ASIC2: variants seen among roughly 807,000 people sequenced by gnomAD.
ASIC2 encodes the protein acid sensing ion channel subunit 2, also known as acid-sensing ion channel 2.
Under a neutral mutation model 57.3 loss-of-function variants are expected in ASIC2, and 25 were observed. The observed-to-expected ratio is 0.44, with a 90% CI of 0.32 to 0.61. The LOEUF is 0.61. ASIC2 is among the 20% of genes least tolerant of loss of function. The probability of loss-of-function intolerance (pLI) is 0.06; values close to 1 mark genes in which losing one functional copy is unlikely to be tolerated. For missense variants in ASIC2, 641 were observed against 738.1 expected (o/e 0.87, Z 1.52); for synonymous variants, 319 against 307.5 (o/e 1.04, Z -0.39).
intron 1 of ASIC2, among the ~76,000 whole-genome samples, chr17:33,161,167 G>T (rs1905149738): frequency 6.6e-6 from 1 of 152,226 alleles, no homozygotes; most frequent in African/African-American, 2.4e-5. Flanking sequence ...TGCTGAGAAA[G>T]GGTGGGGGAG....
At chr17:33,914,180 G>C (rs7222996) in intron 1 of ASIC2, among the ~76,000 whole-genome samples, 10,400 of 152,246 alleles carry the variant, frequency 0.068, 651 homozygotes, top group East Asian at 0.28. Flanking sequence ...ATGCTGGAGA[G>C]GCCATATAGG....
intron 1 of ASIC2, among the ~76,000 whole-genome samples, chr17:33,300,063 CAT>C (rs1269711093): frequency 6.6e-6 from 1 of 152,160 alleles, no homozygotes; most frequent in Non-Finnish European, 1.5e-5. Context: ...AACATATTCA[CAT>C]GTTTCAAAAA....
At chr17:33,724,440 G>A (rs1252633407) in intron 1 of ASIC2, among the ~76,000 whole-genome samples, 3 of 152,210 alleles carry the variant, frequency 2.0e-5, no homozygotes, top group Non-Finnish European at 4.4e-5. Flanking sequence ...TGCGTGAAGA[G>A]TAGACATTGG....
chr17:34,002,192 C>T (rs1390810159), intron 1 of ASIC2: 1 of 152,232 alleles, frequency 6.6e-6, no homozygotes, highest in Non-Finnish European at 1.5e-5. Flanking sequence ...CTCTACAAAC[C>T]ACATTTCTGC....
intron 1 of ASIC2, among the ~76,000 whole-genome samples, chr17:33,760,976 C>T (rs1311480081): frequency 2.6e-5 from 4 of 152,150 alleles, no homozygotes; most frequent in Non-Finnish European, 5.9e-5. Flanking sequence ...CTCTTGTATT[C>T]TAGGGCAATA....
At chr17:33,673,548 G>A (rs1233798563) in intron 1 of ASIC2, among the ~76,000 whole-genome samples, 2 of 152,154 alleles carry the variant, frequency 1.3e-5, no homozygotes, top group Admixed American at 6.5e-5. Flanking sequence ...GTGATGTTCA[G>A]GCAAAGGCTC....
chr17:33,675,481 C>T (rs1472607739), intron 1 of ASIC2, among the ~76,000 whole-genome samples: 1 of 152,214 alleles, frequency 6.6e-6, no homozygotes, highest in Non-Finnish European at 1.5e-5. Flanking sequence ...AAGCCTGCAA[C>T]CTGGGGTTCT....
intron 1 of ASIC2, among the ~76,000 whole-genome samples, chr17:33,484,877 C>T (rs1913525258): frequency 6.6e-6 from 1 of 152,232 alleles, no homozygotes. Context: ...GCATAATACA[C>T]CCCTACGTGT....
intron 1 of ASIC2, among the ~76,000 whole-genome samples, chr17:33,963,541 C>T (rs12953126): frequency 0.017 from 2,569 of 152,134 alleles, 65 homozygotes; most frequent in South Asian, 0.055. Flanking sequence ...TGGACAGAAC[C>T]GAGAAGAAAG....
At chr17:33,889,579 A>G (rs8065429) in intron 1 of ASIC2, among the ~76,000 whole-genome samples, 1 of 152,112 alleles carries the variant, frequency 6.6e-6, no homozygotes, top group African/African-American at 2.4e-5. Context: ...ACTTCCACAA[A>G]GAGAAGGAGC....
rs1248703983 is a variant in ASIC2, at chr17:33,473,012, G to A, written c.556-360945C>T. Among the ~76,000 whole-genome samples, 4 of 152,324 alleles carry A rather than the reference G, an allele frequency of 2.6e-5. No individual in the cohort carries two copies. The South Asian group carries it at 6.2e-4, about 24-fold the overall frequency. Reference sequence around the variant, plus strand: ...AATAGTTTCCTGGTATGGTTGCCACGATGAATAAATGAGTCAGCCGGGAGC... The same window carrying A: ...AATAGTTTCCTGGTATGGTTGCCACAATGAATAAATGAGTCAGCCGGGAGC... On this transcript the variant is annotated intron_variant, in intron 1 of 9. Transcript: ENST00000359872.
intron 1 of ASIC2, among the ~76,000 whole-genome samples, chr17:33,398,908 C>T (rs1910179500): frequency 1.3e-5 from 2 of 152,292 alleles, no homozygotes; most frequent in Admixed American, 1.3e-4. Flanking sequence ...AGGCATGCTG[C>T]AAAGGGCCTT....
At chr17:33,793,110 C>A (rs1003064326) in intron 1 of ASIC2, among the ~76,000 whole-genome samples, 1 of 152,202 alleles carries the variant, frequency 6.6e-6, no homozygotes, top group Admixed American at 6.5e-5. Context: ...TAAGGGGAGC[C>A]TTTAACTGAA....
chr17:33,196,404 G>T lies in ASIC2; in HGVS notation c.709-84337C>A, dbSNP rs547888340. ...GCAAAAGATGCTCCAGCCTCCTTCG[G>T]CCACCAAGAAGGATAAAAATACATG... On this transcript the variant is annotated intron_variant, in intron 1 of 9. Transcript: ENST00000225823. Among the ~76,000 whole-genome samples, 9 of 152,194 alleles carry T rather than the reference G, an allele frequency of 5.9e-5. No individual in the cohort carries two copies. In the South Asian group the frequency reaches 1.7e-3, roughly 28 times the overall value.
intron 1 of ASIC2, among the ~76,000 whole-genome samples, chr17:33,903,892 G>C (rs553603676): frequency 6.6e-6 from 1 of 152,176 alleles, no homozygotes; most frequent in African/African-American, 2.4e-5. Context: ...GGCCAGGCAC[G>C]GTGGCTCATG....
chr17:33,411,056 C>A (rs1910640809), intron 1 of ASIC2, among the ~76,000 whole-genome samples: 1 of 152,164 alleles, frequency 6.6e-6, no homozygotes, highest in Non-Finnish European at 1.5e-5. Flanking sequence ...GAAAGCATGA[C>A]TAGGAAATGG....
At chr17:34,142,693 T>C (rs1240281113) in intron 1 of ASIC2, among the ~76,000 whole-genome samples, 1 of 152,238 alleles carries the variant, frequency 6.6e-6, no homozygotes, top group African/African-American at 2.4e-5. Context: ...ATCAAGTCAC[T>C]GATTCAGAGG....
intron 1 of ASIC2, among the ~76,000 whole-genome samples, chr17:33,604,874 C>T (rs1369073211): frequency 1.3e-5 from 2 of 152,134 alleles, no homozygotes; most frequent in Non-Finnish European, 2.9e-5. Context: ...TATAATGAGG[C>T]TCAGAAGGAG....
In ASIC2 at chr17:33,884,437, C is replaced by T. The variant is rs976684216; in HGVS notation, c.555+271541G>A. ...TCAGTTCCCTGATCCCTGCTTATAC[C>T]TCTGTAAGTAGCCCTTTCCTTCTTT... is the stretch of plus-strand genomic sequence containing the variant. On this transcript the variant is annotated intron_variant, in intron 1 of 9. Transcript: ENST00000359872. Among the ~76,000 whole-genome samples, 3 of 152,128 alleles carry T rather than the reference C, an allele frequency of 2.0e-5. No individual in the cohort carries two copies. The East Asian group carries it at 5.8e-4, about 29-fold the overall frequency.
Sources: allele counts gnomAD v4.1 joint callset (sites outside exome capture counted in the v4.1 genomes callset), GRCh38; gene constraint gnomAD v4.1.1; transcripts MANE v1.5; gene names NCBI Gene and HGNC (gene_info 2026-07-23, HGNC 2026-07-21).